Variants in SCHIP1 observed in about 807,000 individuals in gnomAD.
SCHIP1 encodes schwannomin interacting protein 1.
A neutral mutation model predicts 29.7 loss-of-function variants in SCHIP1; 8 were observed. That is an observed-to-expected ratio of 0.27 (90% CI 0.16 to 0.49). The LOEUF is 0.49. Ranked by LOEUF, SCHIP1 falls within the 20% of genes least tolerant of loss-of-function variation. SCHIP1 has a pLI of 0.99. For synonymous variants in SCHIP1, 76 were observed against 94.9 expected (o/e 0.80, Z 1.16); for missense variants, 193 against 294.6 (o/e 0.66, Z 2.52).
At chr3:159,828,896 T>C in the SCHIP1 span, among the ~76,000 whole-genome samples, 61 of 152,330 alleles carry the variant, frequency 4.0e-4, 1 homozygote, top group Non-Finnish European at 7.4e-4. Flanking sequence ...TAGTTTGAGC[T>C]TAGCCCTTCT....
intron 2 of SCHIP1, among the ~76,000 whole-genome samples, chr3:159,884,048 A>G (rs1284145293): frequency 6.6e-6 from 1 of 152,156 alleles, no homozygotes; most frequent in Non-Finnish European, 1.5e-5. Context: ...TTACATTTTT[A>G]TAATCTGTGT....
At chr3:159,891,671 C>G (rs895181483) in intron 5 of SCHIP1, among the ~76,000 whole-genome samples, 4 of 152,186 alleles carry the variant, frequency 2.6e-5, no homozygotes, top group African/African-American at 9.7e-5. Context: ...ACATACCTTC[C>G]TTTTCAGCTG....
chr3:159,365,101 T>A, the SCHIP1 span, among the ~76,000 whole-genome samples: 18 of 152,286 alleles, frequency 1.2e-4, no homozygotes, highest in Admixed American at 3.9e-4. Context: ...AATGCCTGGA[T>A]CGTGCTGAAT....
the SCHIP1 span, among the ~76,000 whole-genome samples, chr3:159,344,081 C>T: frequency 1.3e-5 from 2 of 152,144 alleles, no homozygotes; most frequent in South Asian, 4.2e-4. Flanking sequence ...GCCTGTAATC[C>T]AGGCACTTTG....
the SCHIP1 span, among the ~76,000 whole-genome samples, chr3:159,353,677 G>A: frequency 2.1e-4 from 32 of 152,270 alleles, no homozygotes; most frequent in Non-Finnish European, 4.3e-4. Context: ...TTCGTCCTGT[G>A]TGATACTAAA....
the SCHIP1 span, among the ~76,000 whole-genome samples, chr3:159,322,202 C>T: frequency 6.6e-6 from 1 of 152,102 alleles, no homozygotes; most frequent in Non-Finnish European, 1.5e-5. Flanking sequence ...AATTGTCTAA[C>T]TGAGCATCCA....
the SCHIP1 span, among the ~76,000 whole-genome samples, chr3:159,697,142 T>C: frequency 6.6e-6 from 1 of 152,250 alleles, no homozygotes; most frequent in South Asian, 2.1e-4. Context: ...TGAGAGATGC[T>C]AGTGGGCTGG....
the SCHIP1 span, among the ~76,000 whole-genome samples, chr3:159,769,610 C>G: frequency 2.7e-4 from 41 of 152,160 alleles, no homozygotes; most frequent in Non-Finnish European, 4.7e-4. Context: ...ATTAGCCGGG[C>G]ATGGTGGCGG....
chr3:159,626,174 ATCTATC>A, the SCHIP1 span, among the ~76,000 whole-genome samples: 33 of 116,540 alleles, frequency 2.8e-4, 4 homozygotes, highest in East Asian at 1.7e-3. Context: ...AGATATATCT[ATCTATC>A]TAGATAGATA....
At chr3:159,346,279 C>T in the SCHIP1 span, among the ~76,000 whole-genome samples, 30 of 115,078 alleles carry the variant, frequency 2.6e-4, no homozygotes, top group Admixed American at 3.6e-4. Context: ...TTTTTTTTTT[C>T]TTAAAAAAAA....
At chr3:159,412,126 C>T in the SCHIP1 span, among the ~76,000 whole-genome samples, 1 of 152,210 alleles carries the variant, frequency 6.6e-6, no homozygotes, top group East Asian at 1.9e-4. Flanking sequence ...ACCCAGTTTA[C>T]AGCTGAGAAA....
chr3:159,784,416 G>A, the SCHIP1 span, among the ~76,000 whole-genome samples: 4 of 152,276 alleles, frequency 2.6e-5, no homozygotes, highest in African/African-American at 9.6e-5. Flanking sequence ...ACACTATAAG[G>A]AATGCATGAG....
intron 1 of SCHIP1, among the ~76,000 whole-genome samples, chr3:159,847,737 T>C (rs1712027737): frequency 6.6e-6 from 1 of 152,192 alleles, no homozygotes; most frequent in Non-Finnish European, 1.5e-5. Context: ...CTCCCAGCAC[T>C]GCCACCTCCC....
At chr3:159,480,188 A>C in the SCHIP1 span, among the ~76,000 whole-genome samples, 4 of 152,070 alleles carry the variant, frequency 2.6e-5, no homozygotes, top group African/African-American at 4.8e-5. Context: ...GTCAGAATCC[A>C]TTTTTCTTTG....
chr3:159,370,120 T>C, the SCHIP1 span, among the ~76,000 whole-genome samples: 2 of 152,200 alleles, frequency 1.3e-5, no homozygotes, highest in Admixed American at 6.5e-5. Context: ...AAATTGAATA[T>C]GTCACTACTC....
the SCHIP1 span, among the ~76,000 whole-genome samples, chr3:159,370,866 G>T: frequency 6.6e-6 from 1 of 151,996 alleles, no homozygotes; most frequent in African/African-American, 2.4e-5. Context: ...TATACCATTG[G>T]CTCCCTTAGT....
the SCHIP1 span, chr3:159,399,021 TG>T: frequency 1.2e-6 from 1 of 823,272 alleles, no homozygotes; most frequent in Non-Finnish European, 1.5e-6. Flanking sequence ...TATATTCTAG[TG>T]CCCACCCCAA....
At chr3:159,704,666 G>C in the SCHIP1 span, among the ~76,000 whole-genome samples, 3 of 151,952 alleles carry the variant, frequency 2.0e-5, no homozygotes, top group Non-Finnish European at 2.9e-5. Context: ...ATTAAAATGG[G>C]AATTTCCTTT....
At chr3:159,758,442 C>T in the SCHIP1 span, among the ~76,000 whole-genome samples, 7 of 152,218 alleles carry the variant, frequency 4.6e-5, no homozygotes, top group Admixed American at 4.6e-4. Context: ...TGAGCCACCA[C>T]ACGTGGCCCA....
Sources: allele counts gnomAD v4.1 joint callset (sites outside exome capture counted in the v4.1 genomes callset), GRCh38; gene constraint gnomAD v4.1.1; transcripts MANE v1.5; gene names NCBI Gene and HGNC (gene_info 2026-07-23, HGNC 2026-07-21).